RBFOX1: variants seen among roughly 807,000 people sequenced by gnomAD.
RBFOX1 encodes RNA binding fox-1 homolog 1, also known as RNA binding protein fox-1 homolog 1.
In RBFOX1, 8 loss-of-function variants were observed where a neutral mutation model predicts 57.7. That is an observed-to-expected ratio of 0.14 (90% CI 0.08 to 0.25). The LOEUF (loss-of-function observed/expected upper bound fraction) is 0.25. Ranked by LOEUF, RBFOX1 falls within the 10% of genes least tolerant of loss-of-function variation. The probability of loss-of-function intolerance (pLI) is 1.00; values close to 1 mark genes in which losing one functional copy is unlikely to be tolerated. For missense variants in RBFOX1, 611 were observed against 548.5 expected, an observed-to-expected ratio of 1.11 and a Z score of -1.14; for synonymous variants, 326 against 222.4, an observed-to-expected ratio of 1.47 and a Z score of -4.15.
intron 4 of RBFOX1, among the ~76,000 whole-genome samples, chr16:7,512,770 C>T (rs981610925): frequency 5.3e-5 from 8 of 152,340 alleles, no homozygotes; most frequent in African/African-American, 1.9e-4. Flanking sequence ...CAAAGTCAGG[C>T]GTCAGGCTTG....
chr16:6,813,955 T>A (rs1055578936), intron 3 of RBFOX1, among the ~76,000 whole-genome samples: 5 of 152,140 alleles, frequency 3.3e-5, no homozygotes, highest in African/African-American at 1.2e-4. Context: ...TATTAACCAG[T>A]CCTTGCTACT....
intron 4 of RBFOX1, among the ~76,000 whole-genome samples, chr16:7,096,974 T>C (rs2151263746): frequency 7.1e-6 from 1 of 140,800 alleles, no homozygotes; most frequent in Admixed American, 7.1e-5. Context: ...AGGGAAGTGG[T>C]GGTTTCCCAG....
chr16:6,505,244 C>A (rs543531736), intron 2 of RBFOX1, among the ~76,000 whole-genome samples: 101 of 152,218 alleles, frequency 6.6e-4, no homozygotes, highest in African/African-American at 2.3e-3. Context: ...TTGTCACTTT[C>A]AGTATGTCAC....
chr16:5,872,713 G>A (rs941649984), intron 4 of RBFOX1, among the ~76,000 whole-genome samples: 2 of 151,940 alleles, frequency 1.3e-5, no homozygotes, highest in Non-Finnish European at 2.9e-5. Context: ...TCTAGCCTGG[G>A]TGACAGAGCT....
chr16:7,420,767 TC>T (rs1057213731), intron 4 of RBFOX1, among the ~76,000 whole-genome samples: 12 of 151,494 alleles, frequency 7.9e-5, no homozygotes, highest in South Asian at 2.1e-4. Flanking sequence ...TTTATATTGA[TC>T]TTTTTTTTTT....
intron 3 of RBFOX1, among the ~76,000 whole-genome samples, chr16:6,834,566 T>G (rs74009318): frequency 6.6e-6 from 1 of 152,152 alleles, no homozygotes; most frequent in Non-Finnish European, 1.5e-5. Flanking sequence ...AGTAAGTGAT[T>G]TGTTCTTAAA....
At chr16:7,510,740 A>G (rs891904281) in intron 4 of RBFOX1, among the ~76,000 whole-genome samples, 1 of 152,168 alleles carries the variant, frequency 6.6e-6, no homozygotes, top group African/African-American at 2.4e-5. Context: ...CTAAAGTAAA[A>G]CAAACTGTCA....
At chr16:5,627,571 C>A (rs569281857) in intron 3 of RBFOX1, among the ~76,000 whole-genome samples, 1 of 152,164 alleles carries the variant, frequency 6.6e-6, no homozygotes, top group African/African-American at 2.4e-5. Context: ...GAAGCGACAA[C>A]TTTATAATAA....
intron 4 of RBFOX1, among the ~76,000 whole-genome samples, chr16:7,165,766 A>G (rs1020556168): frequency 4.6e-5 from 7 of 151,942 alleles, no homozygotes; most frequent in East Asian, 1.9e-4. Flanking sequence ...TTGTTCTCCA[A>G]TTCTTAGACC....
intron 1 of RBFOX1, among the ~76,000 whole-genome samples, chr16:6,282,697 C>T (rs1166702051): frequency 6.6e-6 from 1 of 152,092 alleles, no homozygotes; most frequent in East Asian, 1.9e-4. Flanking sequence ...TCATCCATGT[C>T]CCTCCAAAGG....
intron 2 of RBFOX1, among the ~76,000 whole-genome samples, chr16:6,532,456 G>A (rs932302348): frequency 1.3e-5 from 2 of 152,122 alleles, no homozygotes; most frequent in Non-Finnish European, 2.9e-5. Flanking sequence ...AATGTATGGA[G>A]GACCCTCCAG....
chr16:6,024,255 G>C (rs1402461491), intron 1 of RBFOX1, among the ~76,000 whole-genome samples: 1 of 152,176 alleles, frequency 6.6e-6, no homozygotes, highest in Non-Finnish European at 1.5e-5. Flanking sequence ...TGGTGAATAA[G>C]GCAGACGAGA....
rs1446598860 is a variant in RBFOX1 at position 6,097,005 on chromosome 16, TC to T, written c.-127+77016del. On this transcript the variant is annotated intron_variant, in intron 1 of 15. Transcript: ENST00000550418. This position sits in a 1 kb window ranked among gnomAD's most constrained non-coding sequence, Gnocchi z 5.0. ...TATCTTGAATTGTAGCTCCCATAAT[TC>T]CCATGTGTTGTGTGAGGGACTTCGT... 6.6e-6 allele frequency among the ~76,000 whole-genome samples: 1 copy of T among 152,118 alleles called. No individual in the cohort carries two copies. The highest frequency in any genetic ancestry group is 1.5e-5 in the Non-Finnish European group (1 of 68,028).
chr16:6,543,721 G>A (rs188056831), intron 2 of RBFOX1, among the ~76,000 whole-genome samples: 1 of 152,136 alleles, frequency 6.6e-6, no homozygotes, highest in East Asian at 1.9e-4. Context: ...TTTCCCCGAG[G>A]TTCACACCGA....
chr16:7,146,329 A>G (rs1186901501), intron 4 of RBFOX1, among the ~76,000 whole-genome samples: 2 of 152,196 alleles, frequency 1.3e-5, no homozygotes, highest in Non-Finnish European at 2.9e-5. Context: ...TGCCTTTGAA[A>G]TGCACTTGCA....
intron 2 of RBFOX1, among the ~76,000 whole-genome samples, chr16:6,594,876 C>A (rs1197803166): frequency 2.0e-5 from 3 of 152,162 alleles, no homozygotes; most frequent in South Asian, 4.1e-4. Context: ...GTAACCTCCG[C>A]CTCCCGGGTT....
chr16:5,941,634 C>G (rs1055443016), intron 4 of RBFOX1, among the ~76,000 whole-genome samples: 2 of 152,012 alleles, frequency 1.3e-5, no homozygotes, highest in Admixed American at 1.3e-4. Context: ...TTAAAATGTG[C>G]CAAATAATTG....
intron 2 of RBFOX1, among the ~76,000 whole-genome samples, chr16:6,626,215 T>C (rs961597351): frequency 6.6e-6 from 1 of 151,668 alleles, no homozygotes; most frequent in African/African-American, 2.4e-5. Context: ...AGATTGAACA[T>C]TTATGCCCTC....
At chr16:6,975,615 G>A (rs1358801589) in intron 3 of RBFOX1, among the ~76,000 whole-genome samples, 2 of 152,142 alleles carry the variant, frequency 1.3e-5, no homozygotes, top group Non-Finnish European at 2.9e-5. Flanking sequence ...GATCAGGTGT[G>A]TTTTTCCCAC....
Sources: gnomAD v4.1 joint callset for allele counts (sites outside exome capture counted in the v4.1 genomes callset) on GRCh38, gnomAD v4.1.1 for gene constraint, Gnocchi (gnomAD v3.1) non-coding constraint, MANE v1.5 for transcripts, NCBI Gene and HGNC (gene_info 2026-07-23, HGNC 2026-07-21) for gene names.